The following HCRTR2 variants were observed in gnomAD, a reference collection of about 807,000 sequenced individuals.
HCRTR2 encodes the protein hypocretin receptor 2, also known as orexin receptor type 2.
A neutral mutation model predicts 49.0 loss-of-function variants in HCRTR2; 22 were observed. The ratio of observed to expected loss-of-function variants is 0.45; its 90% CI spans 0.32 to 0.64. The LOEUF (loss-of-function observed/expected upper bound fraction) is 0.64. Ranked by LOEUF, HCRTR2 falls within the 30% of genes least tolerant of loss-of-function variation. The probability of loss-of-function intolerance (pLI) is 0.04; values close to 1 mark genes in which losing one functional copy is unlikely to be tolerated. For synonymous variants in HCRTR2, 236 were observed against 205.3 expected, an observed-to-expected ratio of 1.15 and a Z score of -1.28; for missense variants, 491 against 559.4, an observed-to-expected ratio of 0.88 and a Z score of 1.23.
intron 1 of HCRTR2, among the ~76,000 whole-genome samples, chr6:55,240,605 TA>T (rs1372095816): frequency 1.2e-4 from 18 of 151,768 alleles, no homozygotes; most frequent in African/African-American, 4.4e-4. Flanking sequence ...GACAAGGGAG[TA>T]AAACTAGCAA....
chr6:55,266,826 C>A (rs1431917954), intron 4 of HCRTR2, among the ~76,000 whole-genome samples: 1 of 152,024 alleles, frequency 6.6e-6, no homozygotes, highest in East Asian at 1.9e-4. Context: ...ACACCAAAAT[C>A]CAAACATTTT....
Position 55,151,217 on chromosome 6 carries a change from C to T in HCRTR2, c.-377-22994C>T, listed in dbSNP as rs13202722. Among the ~76,000 whole-genome samples the T allele has an allele frequency of 7.5e-3, 1,137 of 151,982 alleles. 9 individuals are homozygous for T. Among genetic ancestry groups the T allele is most frequent in the Middle Eastern group, 0.031 (9 of 294 alleles). Reference sequence around the variant, plus strand: ...AAGACAGCAACGAAGCTAGCCACATCGATTGACACTTACTCTAACAAAAAA... The same window carrying T: ...AAGACAGCAACGAAGCTAGCCACATTGATTGACACTTACTCTAACAAAAAA... On this transcript the variant is annotated intron_variant, in intron 1 of 7. Coordinates refer to the HCRTR2 transcript ENST00000615358.
chr6:55,198,396 C>CACT (rs1257831769), intron 1 of HCRTR2, among the ~76,000 whole-genome samples: 1 of 152,182 alleles, frequency 6.6e-6, no homozygotes, highest in African/African-American at 2.4e-5. Context: ...TTAACCCCAA[C>CACT]ACTATCTCAA....
intron 1 of HCRTR2, among the ~76,000 whole-genome samples, chr6:55,169,173 G>A (rs893616823): frequency 6.6e-6 from 1 of 151,784 alleles, no homozygotes; most frequent in Non-Finnish European, 1.5e-5. Flanking sequence ...GAATAAGACA[G>A]GAAGAGTGTT....
chr6:55,207,799 A>G (rs1333261063), intron 1 of HCRTR2, among the ~76,000 whole-genome samples: 2 of 152,160 alleles, frequency 1.3e-5, no homozygotes, highest in Non-Finnish European at 2.9e-5. Flanking sequence ...AGCACAACTC[A>G]CTTTTTTTCT....
At chr6:55,152,259 A>G (rs1018530736) in intron 1 of HCRTR2, among the ~76,000 whole-genome samples, 2 of 151,928 alleles carry the variant, frequency 1.3e-5, no homozygotes, top group African/African-American at 4.8e-5. Flanking sequence ...TTTTTTTAAT[A>G]GTAGCCATCC....
At chr6:55,220,246 A>T (rs186629846) in intron 1 of HCRTR2, among the ~76,000 whole-genome samples, 1 of 152,304 alleles carries the variant, frequency 6.6e-6, no homozygotes, top group East Asian at 1.9e-4. Flanking sequence ...TACAACGAAC[A>T]CACACACTTT....
chr6:55,140,958 C>G (rs1173026595), intron 1 of HCRTR2, among the ~76,000 whole-genome samples: 1 of 152,136 alleles, frequency 6.6e-6, no homozygotes, highest in East Asian at 1.9e-4. Flanking sequence ...CATGCTCTTT[C>G]GCTTACTAGC....
chr6:55,187,682 C>T (rs372522324), intron 1 of HCRTR2, among the ~76,000 whole-genome samples: 41 of 102,206 alleles, frequency 4.0e-4, no homozygotes, highest in Non-Finnish European at 4.6e-4. Flanking sequence ...ATTATTTGAT[C>T]TTTTTTTTTT....
At chr6:55,214,514 T>G (rs1765754432) in intron 1 of HCRTR2, among the ~76,000 whole-genome samples, 1 of 151,882 alleles carries the variant, frequency 6.6e-6, no homozygotes, top group South Asian at 2.1e-4. Context: ...ATTTTTTTAT[T>G]TTTTTTCGTA....
chr6:55,265,375 T>C (rs1366871912), intron 4 of HCRTR2, among the ~76,000 whole-genome samples: 1 of 152,090 alleles, frequency 6.6e-6, no homozygotes, highest in Non-Finnish European at 1.5e-5. Context: ...AACAGTTCTG[T>C]TTCACTCCTA....
intron 1 of HCRTR2, among the ~76,000 whole-genome samples, chr6:55,203,009 A>T (rs1056736512): frequency 6.6e-6 from 1 of 152,154 alleles, no homozygotes; most frequent in Non-Finnish European, 1.5e-5. Flanking sequence ...AAAAATGTAA[A>T]AACACTGCTT....
At chr6:55,263,927 T>C (rs1766816573) in intron 4 of HCRTR2, 105 bp downstream of exon 4, 1 of 738,026 alleles carries the variant, frequency 1.4e-6, no homozygotes, top group Non-Finnish European at 2.4e-6. Flanking sequence ...AGGATGCACT[T>C]ATAAACAAAA....
intron 1 of HCRTR2, among the ~76,000 whole-genome samples, chr6:55,239,801 G>A (rs1452567441): frequency 7.5e-6 from 1 of 132,922 alleles, no homozygotes; most frequent in Non-Finnish European, 1.6e-5. Flanking sequence ...TTTTTGAGAC[G>A]GAGTCTCACT....
intron 1 of HCRTR2, among the ~76,000 whole-genome samples, chr6:55,243,250 T>C (rs1354766162): frequency 6.6e-6 from 1 of 152,218 alleles, no homozygotes; most frequent in African/African-American, 2.4e-5. Flanking sequence ...TATCCTCTTT[T>C]GCCCTCATTT....
chr6:55,265,711 A>G (rs1032024068), intron 4 of HCRTR2, among the ~76,000 whole-genome samples: 1 of 152,094 alleles, frequency 6.6e-6, no homozygotes, highest in African/African-American at 2.4e-5. Context: ...GGAATGATAC[A>G]CTATACAGAA....
At chr6:55,247,692 G>A (rs1766472846) in intron 1 of HCRTR2, among the ~76,000 whole-genome samples, 1 of 152,100 alleles carries the variant, frequency 6.6e-6, no homozygotes. Context: ...ACAGAGAATG[G>A]AGGAACTGGG....
At chr6:55,240,507 GTTC>G in intron 1 of HCRTR2, among the ~76,000 whole-genome samples, 1 of 152,168 alleles carries the variant, frequency 6.6e-6, no homozygotes. Context: ...TTTGCATGTA[GTTC>G]TTCTGAGACG....
rs115428685 is a variant in HCRTR2, at chr6:55,279,370, G to C, written c.984-953G>C. Among the ~76,000 whole-genome samples the C allele has an allele frequency of 1.1e-3, 162 of 152,036 alleles. 2 individuals are homozygous for C. Among genetic ancestry groups the C allele is most frequent in the African/African-American group, 3.8e-3 (157 of 41,452 alleles). ...TCCAAGATTTCAAAGACATTTTGAG[G>C]TAAAGGGTCATAACATAGTACAAAT... On this transcript the variant is annotated intron_variant, in intron 5 of 6. Transcript: ENST00000370862.
Sources: allele counts gnomAD v4.1 joint callset (sites outside exome capture counted in the v4.1 genomes callset), GRCh38; gene constraint gnomAD v4.1.1; transcripts MANE v1.5; gene names NCBI Gene and HGNC (gene_info 2026-07-23, HGNC 2026-07-21).